Variants in PCDHGB3 observed in about 807,000 individuals in gnomAD.
PCDHGB3 encodes the protein protocadherin gamma-B3.
A neutral mutation model predicts 59.2 loss-of-function variants in PCDHGB3; 40 were observed. The ratio of observed to expected loss-of-function variants is 0.68; its 90% confidence interval spans 0.52 to 0.88. The LOEUF is 0.88. Among genes scored for constraint, PCDHGB3 ranks in the 40% least tolerant of loss-of-function variants. The pLI is 0.00. For missense variants in PCDHGB3, 1,309 were observed against 1,187.9 expected (o/e 1.10, Z -1.50); for synonymous variants, 581 against 503.6 (o/e 1.15, Z -2.06).
intron 1 of PCDHGB3, among the ~76,000 whole-genome samples, chr5:141,406,686 T>G (rs918855962): frequency 1.3e-5 from 2 of 152,244 alleles, no homozygotes; most frequent in African/African-American, 4.8e-5. Flanking sequence ...TAGGACATTC[T>G]TCTTTTCTAT....
intron 1 of PCDHGB3, among the ~76,000 whole-genome samples, chr5:141,482,689 C>T (rs145383957): frequency 7.1e-6 from 1 of 140,984 alleles, no homozygotes; most frequent in East Asian, 1.9e-4. Flanking sequence ...GCTTGTCAGA[C>T]AGTAAAGGGG....
intron 1 of PCDHGB3, chr5:141,415,222 G>C (rs2095844564): frequency 1.2e-6 from 2 of 1,613,990 alleles, no homozygotes; most frequent in African/African-American, 2.7e-5. Context: ...CGGCAGCTTC[G>C]AGTCTCCAGC....
intron 2 of PCDHGB3, among the ~76,000 whole-genome samples, chr5:141,503,682 G>A (rs1430771639): frequency 1.3e-5 from 2 of 151,974 alleles, no homozygotes; most frequent in South Asian, 4.1e-4. Flanking sequence ...CTTTTGGGAA[G>A]GAGAATTGAG....
chr5:141,372,417 C>T lies in PCDHGB3; in HGVS notation c.2023C>T (p.Leu675Phe), dbSNP rs762705826. 12 of 1,614,062 alleles carry T rather than the reference C, an allele frequency of 7.4e-6. No homozygotes were observed. In the South Asian group the frequency reaches 1.2e-4, roughly 16 times the overall value. ...ADSLQEIQPD[L>F]SDRPTPSDPQ... ...TAGCTTGCAAGAGATACAACCTGAC[C>T]TTAGCGACCGCCCCACTCCCTCTGA... Residue 675 changes from leucine (L) to phenylalanine (F), a missense_variant, in exon 1 of 4, where the codon CTT becomes TTT. By Grantham distance (22) the Leu-to-Phe change is conservative. Transcript: ENST00000576222.
intron 1 of PCDHGB3, among the ~76,000 whole-genome samples, chr5:141,455,095 A>G (rs910300076): frequency 2.6e-5 from 4 of 151,836 alleles, no homozygotes; most frequent in African/African-American, 9.7e-5. Flanking sequence ...TACAGGCTTG[A>G]GCCACTGCGC....
chr5:141,503,075 G>A (rs1373753092), intron 2 of PCDHGB3, among the ~76,000 whole-genome samples: 1 of 151,438 alleles, frequency 6.6e-6, no homozygotes, highest in African/African-American at 2.4e-5. Context: ...GAATGGTCTC[G>A]ATCTCCTGAC....
intron 1 of PCDHGB3, chr5:141,400,053 G>C: frequency 6.2e-7 from 1 of 1,613,736 alleles, no homozygotes; most frequent in Non-Finnish European, 8.5e-7. Flanking sequence ...TGGTTGCTGT[G>C]CGTGATGGTG....
intron 1 of PCDHGB3, chr5:141,402,820 C>T: frequency 1.6e-6 from 2 of 1,288,164 alleles, no homozygotes; most frequent in Admixed American, 3.0e-5. Context: ...CACAAACCTG[C>T]TCCCAGGCTG....
At chr5:141,475,866 C>T in intron 1 of PCDHGB3, 1 of 504,862 alleles carries the variant, frequency 2.0e-6, no homozygotes, top group South Asian at 2.9e-5. Context: ...GCTCATTCTT[C>T]GTGCAGTTAT....
chr5:141,431,189 G>A lies in PCDHGB3; in HGVS notation c.2415+58380G>A. 2 of 1,614,208 alleles carry A rather than the reference G, an allele frequency of 1.2e-6. No homozygotes were observed. The highest frequency in any genetic ancestry group is 1.7e-6 in the Non-Finnish European group (2 of 1,180,036). On this transcript the variant is annotated intron_variant, in intron 1 of 3. Transcript: ENST00000576222. This position sits in a 1 kb window ranked among gnomAD's most constrained non-coding sequence, Gnocchi z 4.8. ...AAGTGAATTAGAAATAAAAATTAGT[G>A]AAAATGCAGCCACTGAGATGCGGTT...
At chr5:141,398,254 A>C (rs868152545) in intron 1 of PCDHGB3, 1 of 1,465,852 alleles carries the variant, frequency 6.8e-7, no homozygotes, top group East Asian at 2.5e-5. Context: ...GGAAATGCCC[A>C]AGGGCTCCGT....
chr5:141,491,507 C>A lies in PCDHGB3; in HGVS notation c.2416-3300C>A, dbSNP rs755899622. 1.9e-6 allele frequency: 3 copies of A among 1,614,038 alleles called. No individual in the cohort carries two copies. The highest frequency in any genetic ancestry group is 1.6e-4 in the Middle Eastern group (1 of 6,062). Reference sequence around the variant, plus strand: ...AACCTGCAGGTGAGCTCGGACGGCACGCTCAAGTACATGGAGGTGACGCTG... The same window carrying A: ...AACCTGCAGGTGAGCTCGGACGGCAAGCTCAAGTACATGGAGGTGACGCTG... On this transcript the variant is annotated intron_variant, in intron 1 of 3. Transcript: ENST00000576222. The surrounding 1 kb of genome is among the most constrained non-coding windows in gnomAD (Gnocchi z 6.9).
In PCDHGB3 at chr5:141,486,329, A is replaced by C. The variant is rs1045072240; in HGVS notation, c.2416-8478A>C. 1.2e-6 allele frequency: 2 copies of C among 1,613,882 alleles called. No individual in the cohort carries two copies. Among genetic ancestry groups the C allele is most frequent in the African/African-American group, 2.7e-5 (2 of 74,866 alleles). ...AGACTCAGGGTCAAACGGAGATGTG[A>C]GCCTCCGCATTCCTGACCACTTGCC... On this transcript the variant is annotated intron_variant, in intron 1 of 3. Transcript: ENST00000576222. The surrounding 1 kb of genome is among the most constrained non-coding windows in gnomAD (Gnocchi z 5.0).
chr5:141,424,203 GC>G (rs777832241), intron 1 of PCDHGB3: 3 of 175,740 alleles, frequency 1.7e-5, no homozygotes, highest in Non-Finnish European at 3.6e-5. Flanking sequence ...ATACACGTAA[GC>G]TTTTCTCTGA....
At chr5:141,421,148 G>A (rs1334539595) in intron 1 of PCDHGB3, 2 of 1,056,062 alleles carry the variant, frequency 1.9e-6, no homozygotes, top group African/African-American at 1.6e-5. Context: ...GATGTAGTCG[G>A]CCTAGGACTT....
rs1216200329 is a variant in PCDHGB3, at chr5:141,491,485, C to G, written c.2416-3322C>G. ...CTTCTATAAGCAGTCCAGCCCCAAC[C>G]TGCAGGTGAGCTCGGACGGCACGCT... On this transcript the variant is annotated intron_variant, in intron 1 of 3. Coordinates refer to ENST00000576222, the MANE Select transcript of PCDHGB3 (RefSeq NM_018924.5). This position sits in a 1 kb window ranked among gnomAD's most constrained non-coding sequence, Gnocchi z 6.9. 6.2e-7 allele frequency: 1 copy of G among 1,614,148 alleles called. No individual in the cohort carries two copies. The highest frequency in any genetic ancestry group is 1.3e-5 in the African/African-American group (1 of 75,064).
In PCDHGB3 at chr5:141,403,333, C is replaced by T. The variant is rs376895778; in HGVS notation, c.2415+30524C>T. On this transcript the variant is annotated intron_variant, in intron 1 of 3. Transcript: ENST00000576222. ...TAGAAATAGAAGTAACTGATATTAA[C>T]GACAGCGCCCCAAAGTTCCAGGCCG... is the stretch of plus-strand genomic sequence containing the variant. 5 of 1,613,866 alleles carry T rather than the reference C, an allele frequency of 3.1e-6. No homozygotes were observed. The African/African-American group carries it at 5.3e-5, about 17-fold the overall frequency.
At position 141,393,204 on chromosome 5, in the gene PCDHGB3, C is replaced by G. The variant is rs373432896; in HGVS notation, c.2415+20395C>G. On this transcript the variant is annotated intron_variant, in intron 1 of 3. Transcript: ENST00000576222. ...AATAATTGATATTAACGATAATAAC[C>G]CAAAATTCCAGGTCGAAGATCTAGA... 7 of 1,613,342 alleles carry G rather than the reference C, an allele frequency of 4.3e-6. No homozygotes were observed. In the East Asian group the frequency reaches 1.6e-4, roughly 36 times the overall value.
intron 1 of PCDHGB3, among the ~76,000 whole-genome samples, chr5:141,386,755 G>A (rs72790029): frequency 0.064 from 9,806 of 152,198 alleles, 370 homozygotes; most frequent in African/African-American, 0.1. Context: ...GCAGAACTAC[G>A]GTTATAAGGT....
Sources: allele counts gnomAD v4.1 joint callset (sites outside exome capture counted in the v4.1 genomes callset), GRCh38; gene constraint gnomAD v4.1.1; non-coding constraint Gnocchi (gnomAD v3.1); transcripts MANE v1.5; gene names NCBI Gene and HGNC (gene_info 2026-07-23, HGNC 2026-07-21).